Variants in CACNA2D3 observed in about 807,000 individuals in gnomAD.
CACNA2D3 encodes calcium voltage-gated channel auxiliary subunit alpha2delta 3.
Under a neutral mutation model 160.6 loss-of-function variants are expected in CACNA2D3, and 60 were observed. That is an observed-to-expected ratio of 0.37 (90% confidence interval 0.30 to 0.46). The LOEUF is 0.46. Ranked by LOEUF, CACNA2D3 falls within the 20% of genes least tolerant of loss-of-function variation. The pLI is 1.00. For missense variants in CACNA2D3, 1,205 were observed against 1,365.0 expected, an observed-to-expected ratio of 0.88 and a Z score of 1.85; for synonymous variants, 558 against 492.9, an observed-to-expected ratio of 1.13 and a Z score of -1.75.
chr3:54,626,975 T>A (rs1214019001), intron 9 of CACNA2D3, among the ~76,000 whole-genome samples: 1 of 152,206 alleles, frequency 6.6e-6, no homozygotes, highest in Non-Finnish European at 1.5e-5. Flanking sequence ...CAGAAGGGTC[T>A]TAGGGCCTAC....
In CACNA2D3 at chr3:54,885,545, C is replaced by T. The variant is rs373988611; in HGVS notation, c.2015C>T (p.Ala672Val). ...CACCGCCATCTGTCTCAGTTAGAAG[C>T]GATTAAGCTCTACCTAAAAGGCAAA... is the stretch of plus-strand genomic sequence containing the variant. The part of the protein sequence containing the change: ...PEHRHLSQLE[A>V]IKLYLKGKEP... Residue 672 changes from alanine (A) to valine (V), a missense_variant, in exon 23 of 38, where the codon GCG becomes GTG. This residue lies in a region of CACNA2D3 where 911 missense variants were observed against 1,002.2 expected (regional missense o/e 0.91). Transcript: ENST00000474759. 1.5e-5 allele frequency: 24 copies of T among 1,613,446 alleles called. No homozygotes were observed. Among genetic ancestry groups the T allele is most frequent in the African/African-American group, 1.1e-4 (8 of 74,912 alleles).
chr3:54,876,173 C>T (rs896749132), intron 18 of CACNA2D3: 2 of 152,192 alleles, frequency 1.3e-5, no homozygotes, highest in East Asian at 1.9e-4. Flanking sequence ...TTGCCCTCCC[C>T]GCCTTAGGTG....
chr3:54,950,899 G>A (rs1701741628), intron 27 of CACNA2D3, among the ~76,000 whole-genome samples: 1 of 152,214 alleles, frequency 6.6e-6, no homozygotes, highest in Non-Finnish European at 1.5e-5. Context: ...ACAAGATGGG[G>A]TGAGAGGGAA....
chr3:54,238,760 T>G (rs1701927574), intron 2 of CACNA2D3, among the ~76,000 whole-genome samples: 1 of 152,204 alleles, frequency 6.6e-6, no homozygotes, highest in Admixed American at 6.5e-5. Flanking sequence ...CAGTTATCTC[T>G]CTAATGCAGT....
chr3:54,685,982 C>A (rs1345673413), intron 11 of CACNA2D3, among the ~76,000 whole-genome samples: 2 of 152,228 alleles, frequency 1.3e-5, no homozygotes, highest in Non-Finnish European at 2.9e-5. Flanking sequence ...GAAAGGGGAT[C>A]AGTAGGTGTT....
intron 11 of CACNA2D3, among the ~76,000 whole-genome samples, chr3:54,668,165 G>T (rs948813104): frequency 2.0e-5 from 3 of 152,134 alleles, no homozygotes; most frequent in Non-Finnish European, 2.9e-5. Context: ...CTCTGAGCAT[G>T]GGAGAGAATG....
chr3:54,360,125 C>T (rs1698717276), intron 3 of CACNA2D3, among the ~76,000 whole-genome samples: 3 of 152,270 alleles, frequency 2.0e-5, no homozygotes, highest in South Asian at 4.1e-4. Context: ...TTTATTGGAA[C>T]GCAGCCATAC....
intron 11 of CACNA2D3, among the ~76,000 whole-genome samples, chr3:54,718,463 G>T (rs664341): frequency 0.99 from 150,657 of 152,200 alleles, 74,583 homozygotes; most frequent in East Asian, 1. Flanking sequence ...ATGGAAGACA[G>T]TTTTTCCCAT....
chr3:54,465,076 G>A (rs1248825798), intron 4 of CACNA2D3, among the ~76,000 whole-genome samples: 1 of 150,244 alleles, frequency 6.7e-6, no homozygotes, highest in Admixed American at 6.7e-5. Flanking sequence ...GTCTGCCTGG[G>A]TTATTTCAAA....
At chr3:54,686,387 T>C (rs1700449813) in intron 11 of CACNA2D3, among the ~76,000 whole-genome samples, 1 of 152,216 alleles carries the variant, frequency 6.6e-6, no homozygotes, top group African/African-American at 2.4e-5. Flanking sequence ...ATGGTTCAGA[T>C]TTTTGCAGGA....
At chr3:54,917,524 T>C (rs1700691702) in intron 27 of CACNA2D3, among the ~76,000 whole-genome samples, 1 of 152,244 alleles carries the variant, frequency 6.6e-6, no homozygotes, top group Non-Finnish European at 1.5e-5. Context: ...GGTAAACTGA[T>C]TGCTCAGAGT....
At chr3:54,190,890 T>A (rs73085965) in intron 2 of CACNA2D3, among the ~76,000 whole-genome samples, 47,045 of 151,760 alleles carry the variant, frequency 0.31, 7,383 homozygotes, top group East Asian at 0.39. Context: ...CTTAACCTCG[T>A]TGGGCCTCTG....
intron 10 of CACNA2D3, among the ~76,000 whole-genome samples, chr3:54,630,903 A>T (rs565475902): frequency 3.7e-4 from 57 of 152,168 alleles, no homozygotes; most frequent in African/African-American, 1.3e-3. Flanking sequence ...AATGTTTTTT[A>T]AAAAAACACA....
chr3:54,774,172 G>C (rs1702374894), intron 13 of CACNA2D3, among the ~76,000 whole-genome samples: 1 of 152,138 alleles, frequency 6.6e-6, no homozygotes, highest in African/African-American at 2.4e-5. Flanking sequence ...TCTGTCTTGA[G>C]GCGTGACTAG....
intron 27 of CACNA2D3, among the ~76,000 whole-genome samples, chr3:54,964,216 G>A (rs1437519747): frequency 6.6e-6 from 1 of 152,148 alleles, no homozygotes; most frequent in Non-Finnish European, 1.5e-5. Flanking sequence ...GTGTTCCTGG[G>A]TGGTGAGTAA....
chr3:54,560,538 G>T (rs58878683), intron 5 of CACNA2D3, among the ~76,000 whole-genome samples: 11,664 of 152,126 alleles, frequency 0.077, 1,308 homozygotes, highest in African/African-American at 0.25. Context: ...GTTGTCTGTT[G>T]ACTCTGTTGG....
chr3:54,605,068 A>G (rs905151589), intron 9 of CACNA2D3, among the ~76,000 whole-genome samples: 13 of 152,100 alleles, frequency 8.5e-5, no homozygotes, highest in African/African-American at 3.1e-4. Context: ...TTTTCCTGCA[A>G]TCTTTGGTGT....
At chr3:54,405,864 AT>A (rs1045328390) in intron 4 of CACNA2D3, among the ~76,000 whole-genome samples, 11 of 148,740 alleles carry the variant, frequency 7.4e-5, no homozygotes, top group Non-Finnish European at 1.5e-4. Flanking sequence ...AAAAAAAAAA[AT>A]GACCCAATTA....
In CACNA2D3 at chr3:54,598,996, C is replaced by T. The variant is rs188857437; in HGVS notation, c.963+17119C>T. On this transcript the variant is annotated intron_variant, in intron 9 of 37. Transcript: ENST00000474759. The stretch of plus-strand genomic sequence containing the variant: ...ACTAAAATTGATGTTATTTTTATGG[C>T]AGGTGACAACGATAGGAAGATATGA... Among the ~76,000 whole-genome samples, 6 of 152,242 alleles carry T rather than the reference C, an allele frequency of 3.9e-5. No homozygotes were observed. In the East Asian group the frequency reaches 1.2e-3, roughly 29 times the overall value.
Sources: allele counts gnomAD v4.1 joint callset (sites outside exome capture counted in the v4.1 genomes callset), GRCh38; gene constraint gnomAD v4.1.1; regional missense constraint gnomAD v4.1.1; transcripts MANE v1.5; gene names NCBI Gene and HGNC (gene_info 2026-07-23, HGNC 2026-07-21).